Variants in UNC5D observed in about 807,000 individuals in gnomAD.
The protein encoded by UNC5D is unc-5 netrin receptor D.
Under a neutral mutation model 105.4 loss-of-function variants are expected in UNC5D, and 39 were observed. The ratio of observed to expected loss-of-function variants is 0.37; its 90% CI spans 0.29 to 0.48. The LOEUF is 0.48. UNC5D is among the 20% of genes least tolerant of loss of function. The pLI is 0.98. For missense variants in UNC5D, 991 were observed against 1,202.4 expected (o/e 0.82, Z 2.60); for synonymous variants, 452 against 450.4 (o/e 1.00, Z -0.04).
chr8:35,731,069 A>T lies in UNC5D; in HGVS notation c.1739A>T (p.Tyr580Phe), dbSNP rs1383920021. 1.2e-6 allele frequency: 2 copies of T among 1,613,956 alleles called. No individual in the cohort carries two copies. ...AIPEENSWEIYMSINQGEPSL... is the reference protein window; with the variant it reads ...AIPEENSWEIFMSINQGEPSL... Reference sequence around the variant, plus strand: ...CCAGAGGAGAATTCTTGGGAGATTTATATGTCCATCAACCAAGGTGAACCC... The same window carrying T: ...CCAGAGGAGAATTCTTGGGAGATTTTTATGTCCATCAACCAAGGTGAACCC... Residue 580 changes from tyrosine (Y) to phenylalanine (F), a missense_variant, in exon 11 of 17, where the codon TAT (tyrosine) becomes TTT (phenylalanine). By Grantham distance (22) the Tyr-to-Phe change is conservative. Transcript: ENST00000404895.
intron 1 of UNC5D, among the ~76,000 whole-genome samples, chr8:35,534,559 T>A (rs1469722864): frequency 6.6e-6 from 1 of 151,460 alleles, no homozygotes; most frequent in African/African-American, 2.4e-5. Flanking sequence ...AAACTTTGGG[T>A]TGATGGTTCT....
At chr8:35,743,580 C>T (rs1829867827) in intron 11 of UNC5D, among the ~76,000 whole-genome samples, 2 of 150,612 alleles carry the variant, frequency 1.3e-5, no homozygotes, top group South Asian at 4.2e-4. Context: ...TGCCCAGCTG[C>T]ACTCACTTTA....
chr8:35,521,496 T>C (rs142320335), intron 1 of UNC5D, among the ~76,000 whole-genome samples: 2 of 152,300 alleles, frequency 1.3e-5, no homozygotes, highest in East Asian at 1.9e-4. Context: ...AGAGAAACAG[T>C]GTCTCAAATA....
At chr8:35,480,609 G>A (rs1810423064) in intron 1 of UNC5D, among the ~76,000 whole-genome samples, 1 of 152,136 alleles carries the variant, frequency 6.6e-6, no homozygotes, top group Admixed American at 6.6e-5. Flanking sequence ...ATATGTGAGA[G>A]TCTGTTCTAT....
At chr8:35,500,222 A>T (rs921930773) in intron 1 of UNC5D, among the ~76,000 whole-genome samples, 1 of 152,196 alleles carries the variant, frequency 6.6e-6, no homozygotes, top group Non-Finnish European at 1.5e-5. Flanking sequence ...GAAGTCCAAG[A>T]GCATAGTGCT....
intron 11 of UNC5D, among the ~76,000 whole-genome samples, chr8:35,733,277 T>C (rs1257128923): frequency 2.0e-5 from 3 of 152,242 alleles, no homozygotes; most frequent in Non-Finnish European, 4.4e-5. Flanking sequence ...ACCTTTCTAC[T>C]ACTTCATTTT....
chr8:35,395,548 AACTT>A (rs1433696805), intron 1 of UNC5D, among the ~76,000 whole-genome samples: 2 of 152,142 alleles, frequency 1.3e-5, no homozygotes, highest in African/African-American at 4.8e-5. Context: ...AATTTCTCTG[AACTT>A]ACTTTTAGAT....
At chr8:35,616,451 G>C (rs1821031109) in intron 4 of UNC5D, among the ~76,000 whole-genome samples, 1 of 152,182 alleles carries the variant, frequency 6.6e-6, no homozygotes, top group South Asian at 2.1e-4. Flanking sequence ...CCTCCATTTT[G>C]CTGGGCATGT....
chr8:35,648,664 G>A (rs1426134417), intron 4 of UNC5D, among the ~76,000 whole-genome samples: 2 of 133,078 alleles, frequency 1.5e-5, no homozygotes, highest in Admixed American at 7.6e-5. Context: ...GGTCAACAGA[G>A]TGAGAGTCCG....
At chr8:35,269,720 G>A (rs72633515) in intron 1 of UNC5D, among the ~76,000 whole-genome samples, 21,621 of 152,124 alleles carry the variant, frequency 0.14, 1,873 homozygotes, top group Non-Finnish European at 0.2. Context: ...GTTTGGGTAT[G>A]AGATGCTGTC....
chr8:35,532,755 C>CT (rs1162675878), intron 1 of UNC5D, among the ~76,000 whole-genome samples: 1 of 84,612 alleles, frequency 1.2e-5, no homozygotes. Flanking sequence ...TCTTTTTATT[C>CT]TTTTTTCTCT....
At chr8:35,523,874 G>A (rs1813668207) in intron 1 of UNC5D, among the ~76,000 whole-genome samples, 1 of 50,566 alleles carries the variant, frequency 2.0e-5, no homozygotes, top group Non-Finnish European at 3.8e-5. Context: ...GAAGGCACGG[G>A]GCAATGGGTG....
chr8:35,572,263 G>A (rs1256293728), intron 3 of UNC5D, among the ~76,000 whole-genome samples: 1 of 111,578 alleles, frequency 9.0e-6, no homozygotes, highest in African/African-American at 3.6e-5. Flanking sequence ...ACTCCAGCCT[G>A]AGCGAGACTG....
chr8:35,563,557 C>G (rs1483342767), intron 2 of UNC5D, among the ~76,000 whole-genome samples: 1 of 152,044 alleles, frequency 6.6e-6, no homozygotes, highest in Admixed American at 6.6e-5. Flanking sequence ...ATCAAGTCAT[C>G]TACAAACAAG....
chr8:35,608,624 C>T (rs973144424), intron 4 of UNC5D, among the ~76,000 whole-genome samples: 2 of 152,164 alleles, frequency 1.3e-5, no homozygotes, highest in Non-Finnish European at 2.9e-5. Flanking sequence ...TCTCCACTAT[C>T]TGTCATTTCA....
At chr8:35,599,188 G>A (rs978205937) in intron 4 of UNC5D, among the ~76,000 whole-genome samples, 1 of 143,442 alleles carries the variant, frequency 7.0e-6, no homozygotes, top group Non-Finnish European at 1.5e-5. Flanking sequence ...CACAGAACTA[G>A]AGTAGAATGG....
At chr8:35,789,357 T>A (rs919312762) in intron 16 of UNC5D, among the ~76,000 whole-genome samples, 4 of 150,872 alleles carry the variant, frequency 2.7e-5, no homozygotes, top group Non-Finnish European at 4.4e-5. Context: ...TTTGCTGTGA[T>A]TTAGACCATA....
chr8:35,390,846 G>A (rs1236532427), intron 1 of UNC5D, among the ~76,000 whole-genome samples: 1 of 152,226 alleles, frequency 6.6e-6, no homozygotes, highest in Non-Finnish European at 1.5e-5. Context: ...GCTGTTAAAA[G>A]AGTGTACCAT....
At chr8:35,683,457 C>A in intron 4 of UNC5D, 90 bp from the exon 5 acceptor site, 1 of 1,320,312 alleles carries the variant, frequency 7.6e-7, no homozygotes, top group South Asian at 1.6e-5. Flanking sequence ...AGATACATCT[C>A]TCTCCCACAC....
Sources: gnomAD v4.1 joint callset for allele counts (sites outside exome capture counted in the v4.1 genomes callset) on GRCh38, gnomAD v4.1.1 for gene constraint, MANE v1.5 for transcripts, NCBI Gene and HGNC (gene_info 2026-07-23, HGNC 2026-07-21) for gene names.